ZNF529: variants seen among roughly 807,000 people sequenced by gnomAD.
The protein encoded by ZNF529 is zinc finger protein 529.
In ZNF529, 11 loss-of-function variants were observed where a neutral mutation model predicts 10.1. The ratio of observed to expected loss-of-function variants is 1.09; its 90% confidence interval spans 0.69 to 1.81. The LOEUF (loss-of-function observed/expected upper bound fraction) is 1.81, where lower values mean the gene tolerates loss of function less well. ZNF529 is among the 40% of genes most tolerant of loss of function. The pLI is 0.00. For missense variants in ZNF529, 624 were observed against 666.8 expected (o/e 0.94, Z 0.71); for synonymous variants, 204 against 215.7 (o/e 0.95, Z 0.47).
intron 1 of ZNF529, among the ~76,000 whole-genome samples, chr19:36,590,426 G>A (rs2036679965): frequency 6.6e-6 from 1 of 152,080 alleles, no homozygotes; most frequent in Admixed American, 6.6e-5. Context: ...TTGTGGAATG[G>A]AGTTAAAGTA....
intron 2 of ZNF529, chr19:36,581,735 C>A: frequency 1.2e-5 from 2 of 162,160 alleles, no homozygotes; most frequent in South Asian, 3.4e-4. Flanking sequence ...TGCTAGCTCT[C>A]CCTTTGCCTT....
intron 1 of ZNF529, among the ~76,000 whole-genome samples, chr19:36,598,889 G>C (rs945048635): frequency 2.0e-5 from 3 of 152,150 alleles, no homozygotes; most frequent in Admixed American, 6.5e-5. Flanking sequence ...TCTGAGGCCT[G>C]CTCTTTCTTA....
rs138272425 is a variant in ZNF529, at chr19:36,587,027, G to A, written c.-41+2588C>T. ...CGCCGGTAATCCCAACACTTTGGGA[G>A]GCTGAGGCAGGTGGATCACTTAAGG... On this transcript the variant is annotated intron_variant, in intron 2 of 4. Transcript: ENST00000585960. Among the ~76,000 whole-genome samples the A allele has an allele frequency of 1.6e-4, 24 of 152,328 alleles. No individual in the cohort carries two copies. In the East Asian group the frequency reaches 2.3e-3, roughly 15 times the overall value.
rs531233313 is a variant in ZNF529, at chr19:36,604,407, CCATTTGACTG to C, written c.-128+709_-128+718del. Among the ~76,000 whole-genome samples the C allele has an allele frequency of 2.3e-3, 347 of 152,236 alleles. 1 individual carries two copies. Among genetic ancestry groups the C allele is most frequent in the African/African-American group, 7.9e-3 (327 of 41,540 alleles). ...AAATATCCAACTTTCTTTTCGATAG[CCATTTGACTG>C]CACACTGTGCAACGTGGTTATAAGG... On this transcript the variant is annotated intron_variant, in intron 1 of 4. Coordinates refer to the ZNF529 transcript ENST00000585960.
At chr19:36,553,775 C>T (rs2035353450) in intron 4 of ZNF529, among the ~76,000 whole-genome samples, 1 of 152,168 alleles carries the variant, frequency 6.6e-6, no homozygotes, top group African/African-American at 2.4e-5. Context: ...GTTGTACATG[C>T]CGAATCTACA....
At chr19:36,587,676 G>A (rs774338676) in intron 2 of ZNF529, among the ~76,000 whole-genome samples, 1 of 152,150 alleles carries the variant, frequency 6.6e-6, no homozygotes, top group African/African-American at 2.4e-5. Context: ...ATATTATTCA[G>A]TCATAAAAAG....
intron 1 of ZNF529, among the ~76,000 whole-genome samples, chr19:36,603,847 G>C (rs184300123): frequency 6.6e-6 from 1 of 152,298 alleles, no homozygotes; most frequent in African/African-American, 2.4e-5. Flanking sequence ...AAAATGCTGT[G>C]GATCTGCAAT....
At position 36,544,809 on chromosome 19, in the gene ZNF529, T is replaced by A. The variant is rs963357332; in HGVS notation, c.*2057A>T. ...AGATGAGAAAATGGCTTAATACTGG[T>A]AATCATTCACACCGTTATAGAGTAC... On this transcript the variant is annotated 3_prime_UTR_variant, in exon 5 of 5. Transcript: ENST00000591340. 27 of 152,342 alleles carry A rather than the reference T, an allele frequency of 1.8e-4. No individual in the cohort carries two copies. In the East Asian group the frequency reaches 5.0e-3, roughly 28 times the overall value. The allele number at this position is 152,342 out of a possible 1,614,324, so 9.4% of individuals were successfully genotyped here. A position where few individuals can be genotyped will look rare whatever the true frequency, so the allele number is the denominator to read the frequency against.
rs1171400771 is a variant in ZNF529 at position 36,572,374 on chromosome 19, G to A, written c.-28C>T. Reference sequence around the variant, plus strand: ...GTACCAATGCTGTCTTCCACTTCAGGGGGCCTTCACTTGCAGAACTACATA... The same window carrying A: ...GTACCAATGCTGTCTTCCACTTCAGAGGGCCTTCACTTGCAGAACTACATA... On this transcript the variant is annotated 5_prime_UTR_variant, in exon 2 of 5. Transcript: ENST00000591340. 6.4e-7 allele frequency: 1 copy of A among 1,550,962 alleles called. No individual in the cohort carries two copies. The highest frequency in any genetic ancestry group is 8.7e-7 in the Non-Finnish European group (1 of 1,146,854).
chr19:36,551,544 G>A (rs1332808643), intron 4 of ZNF529, among the ~76,000 whole-genome samples: 1 of 152,042 alleles, frequency 6.6e-6, no homozygotes, highest in African/African-American at 2.4e-5. Flanking sequence ...CACCATTTGA[G>A]GTGGCTACTT....
Position 36,556,091 on chromosome 19 carries a change from G to A in ZNF529, c.108+13C>T, listed in dbSNP as rs2145808541. 1 of 1,549,570 alleles carries A rather than the reference G, an allele frequency of 6.5e-7. No homozygotes were observed. The highest frequency in any genetic ancestry group is 2.0e-5 in the Admixed American group (1 of 50,396). Reference sequence around the variant, plus strand: ...AGGAAATATCACAAAGAAAAGAGAAGTAGTTAACTTACATGGTCCATGGTT... The same window carrying A: ...AGGAAATATCACAAAGAAAAGAGAAATAGTTAACTTACATGGTCCATGGTT... On this transcript the variant is annotated intron_variant, in intron 3 of 4. Coordinates refer to ENST00000591340, the MANE Select transcript of ZNF529 (RefSeq NM_020951.5).
chr19:36,604,667 G>A (rs2036990270), intron 1 of ZNF529: 1 of 152,200 alleles, frequency 6.6e-6, no homozygotes, highest in Non-Finnish European at 1.5e-5. Context: ...CAGAACTGCA[G>A]AAATCAAACT....
At chr19:36,600,798 C>A (rs1447093976) in intron 1 of ZNF529, among the ~76,000 whole-genome samples, 2 of 152,140 alleles carry the variant, frequency 1.3e-5, no homozygotes, top group Non-Finnish European at 2.9e-5. Context: ...ATTTGTGAGC[C>A]ACTGCACTTG....
upstream of ZNF529, chr19:36,577,097 CACCCACT>C: frequency 2.3e-6 from 1 of 433,560 alleles, no homozygotes; most frequent in South Asian, 1.7e-5. Flanking sequence ...GGACCACAGG[CACCCACT>C]ACTATACCTG....
chr19:36,548,946 G>A (rs111606146), intron 4 of ZNF529, among the ~76,000 whole-genome samples: 5,359 of 152,230 alleles, frequency 0.035, 132 homozygotes, highest in Non-Finnish European at 0.054. Context: ...GAGGCTGCAG[G>A]GAGCTGAGAT....
chr19:36,589,566 G>C (rs904558063), intron 2 of ZNF529: 1 of 152,090 alleles, frequency 6.6e-6, no homozygotes, highest in South Asian at 2.1e-4. Flanking sequence ...AACACACACA[G>C]AGCTTCAAAC....
intron 1 of ZNF529, among the ~76,000 whole-genome samples, chr19:36,599,515 T>A (rs1006519648): frequency 1.3e-5 from 2 of 152,158 alleles, no homozygotes; most frequent in Non-Finnish European, 2.9e-5. Flanking sequence ...GACTAATTCA[T>A]GTGAATCTTT....
chr19:36,584,516 C>T (rs2036537057), intron 2 of ZNF529, among the ~76,000 whole-genome samples: 1 of 152,066 alleles, frequency 6.6e-6, no homozygotes, highest in African/African-American at 2.4e-5. Context: ...CCTGTAATCC[C>T]AGCACTTTGG....
chr19:36,592,593 CCA>C, intron 1 of ZNF529, among the ~76,000 whole-genome samples: 1 of 137,776 alleles, frequency 7.3e-6, no homozygotes. Context: ...GACTCTGTCT[CCA>C]AAAAAAAAAA....
Sources: allele counts gnomAD v4.1 joint callset (sites outside exome capture counted in the v4.1 genomes callset), GRCh38; gene constraint gnomAD v4.1.1; transcripts MANE v1.5; gene names NCBI Gene and HGNC (gene_info 2026-07-23, HGNC 2026-07-21).